Variants in SIRT1 observed in about 807,000 individuals in gnomAD.
The protein encoded by SIRT1 is sirtuin 1, also known as NAD-dependent protein deacetylase sirtuin-1.
SIRT1 carries 24 observed loss-of-function variants against 67.9 expected under a neutral mutation model. That is an observed-to-expected ratio of 0.35 (90% CI 0.26 to 0.50). SIRT1 has a LOEUF of 0.50. Among genes scored for constraint, SIRT1 ranks in the 20% least tolerant of loss-of-function variants. The probability of loss-of-function intolerance (pLI) is 0.98; values close to 1 mark genes in which losing one functional copy is unlikely to be tolerated. For synonymous variants in SIRT1, 378 were observed against 350.7 expected, an observed-to-expected ratio of 1.08 and a Z score of -0.87; for missense variants, 873 against 937.2, an observed-to-expected ratio of 0.93 and a Z score of 0.89.
chr10:67,912,028 T>C (rs1421530388), intron 7 of SIRT1, among the ~76,000 whole-genome samples: 1 of 152,180 alleles, frequency 6.6e-6, no homozygotes, highest in East Asian at 1.9e-4. Context: ...CCTCCCAAAG[T>C]GCTGGGATTA....
Position 67,888,660 on chromosome 10 carries a change from T to C in SIRT1, c.548-222T>C, listed in dbSNP as rs565339258. 2.0e-5 allele frequency among the ~76,000 whole-genome samples: 3 copies of C among 152,306 alleles called. No individual in the cohort carries two copies. The South Asian group carries it at 6.2e-4, about 32-fold the overall frequency. On this transcript the variant is annotated intron_variant, in intron 2 of 8. Transcript: ENST00000212015. ...TAATTAATTAGACTCTTGAAATATA[T>C]ACTTACAGCTGAAGGGGGTCTTCCC... is the stretch of plus-strand genomic sequence containing the variant.
At chr10:67,885,529 C>A (rs530863685) in intron 1 of SIRT1, 38 of 598,532 alleles carry the variant, frequency 6.3e-5, no homozygotes, top group African/African-American at 2.0e-5. Flanking sequence ...TCTCCTCTAC[C>A]CCCCAGCACA....
rs772263354 is a variant in SIRT1, at chr10:67,885,126, G to A, written c.405G>A (p.Ala135=). The change falls in exon 1 of 9, where the codon GCG becomes GCA. Residue 135 remains alanine (A), a synonymous_variant. Coordinates refer to ENST00000212015, the MANE Select transcript of SIRT1 (RefSeq NM_012238.5). The part of the protein sequence containing the change: ...DDDEGEEEEE[A]AAAAIGYRDN... The stretch of plus-strand genomic sequence containing the variant: ...ACGAGGGCGAGGAGGAGGAAGAGGC[G>A]GCGGCGGCGGCGATTGGGTACCGAG... 1.1e-4 allele frequency: 154 copies of A among 1,434,336 alleles called. 1 individual carries two copies. Among genetic ancestry groups the A allele is most frequent in the South Asian group, 3.7e-4 (26 of 70,930 alleles). The allele number at this position is 1,434,336 out of a possible 1,614,324, so 88.9% of individuals were successfully genotyped here. A position where few individuals can be genotyped will look rare whatever the true frequency, so the allele number is the denominator to read the frequency against.
At chr10:67,887,572 C>A in intron 2 of SIRT1, 39 bp downstream of exon 2, 3 of 1,403,316 alleles carry the variant, frequency 2.1e-6, no homozygotes, top group Non-Finnish European at 3.0e-6. Flanking sequence ...AGTAAATGTA[C>A]GGTTTTTGGT....
chr10:67,897,134 T>G (rs1842670834), intron 4 of SIRT1, among the ~76,000 whole-genome samples: 1 of 151,794 alleles, frequency 6.6e-6, no homozygotes, highest in Non-Finnish European at 1.5e-5. Context: ...CCAGCCTGAT[T>G]GACAGAGTGA....
chr10:67,914,944 C>A (rs539592986), intron 8 of SIRT1, among the ~76,000 whole-genome samples: 1 of 150,874 alleles, frequency 6.6e-6, no homozygotes, highest in African/African-American at 2.4e-5. Flanking sequence ...CAGGCTGATA[C>A]CAAACTCCTG....
Position 67,916,700 on chromosome 10 carries a change from G to A in SIRT1, c.*107G>A. The A allele has an allele frequency of 2.4e-6, 2 of 836,110 alleles. No individual in the cohort carries two copies. Among genetic ancestry groups the A allele is most frequent in the Non-Finnish European group, 3.6e-6 (2 of 559,110 alleles). The allele number at this position is 836,110 out of a possible 1,614,324, so 51.8% of individuals were successfully genotyped here. On this transcript the variant is annotated 3_prime_UTR_variant, in exon 9 of 9. Coordinates refer to ENST00000212015, the MANE Select transcript of SIRT1 (RefSeq NM_012238.5). ...TCGATAGAGCAAGGAAACCAGAAAG[G>A]TGTAATATTTATAGGTTGGTAAAAT...
At chr10:67,893,323 G>T (rs146776266) in intron 4 of SIRT1, among the ~76,000 whole-genome samples, 2 of 152,022 alleles carry the variant, frequency 1.3e-5, no homozygotes, top group Non-Finnish European at 1.5e-5. Context: ...ACAGGCCTCT[G>T]TGTGTGGTGT....
chr10:67,894,938 C>A (rs1320477251), intron 4 of SIRT1, among the ~76,000 whole-genome samples: 1 of 152,080 alleles, frequency 6.6e-6, no homozygotes, highest in Non-Finnish European at 1.5e-5. Flanking sequence ...CCTCGTGATC[C>A]GCCCGTTTCA....
At chr10:67,910,364 G>C (rs1186684269) in intron 7 of SIRT1, among the ~76,000 whole-genome samples, 4 of 152,058 alleles carry the variant, frequency 2.6e-5, no homozygotes, top group Non-Finnish European at 5.9e-5. Context: ...GACAGAGTGG[G>C]ACTCTGTCTC....
chr10:67,884,975 C>T lies in SIRT1; in HGVS notation c.254C>T (p.Ala85Val). The change falls in exon 1 of 9, where the codon GCG (alanine) becomes GTG (valine). Residue 85 changes from alanine to valine, a missense_variant. Physicochemically the swap from Ala to Val is moderately conservative, Grantham distance 64. Coordinates refer to ENST00000212015, the MANE Select transcript of SIRT1 (RefSeq NM_012238.5). Reference protein sequence around the residue: ...LWREAEAEAAAAGGEQEAQAT... With the variant: ...LWREAEAEAAVAGGEQEAQAT... ...CGGGAGGCGGAGGCAGAGGCGGCGG[C>T]GGCAGGCGGGGAGCAAGAGGCCCAG... 1 of 1,265,632 alleles carries T rather than the reference C, an allele frequency of 7.9e-7. No individual in the cohort carries two copies. The highest frequency in any genetic ancestry group is 1.0e-6 in the Non-Finnish European group (1 of 1,004,606). 78.4% of individuals were successfully genotyped at this position (1,265,632 alleles called of 1,614,324 possible). A position where few individuals can be genotyped will look rare whatever the true frequency, so the allele number is the denominator to read the frequency against.
At chr10:67,892,264 A>G (rs1301692657) in intron 4 of SIRT1, among the ~76,000 whole-genome samples, 1 of 152,180 alleles carries the variant, frequency 6.6e-6, no homozygotes, top group East Asian at 1.9e-4. Flanking sequence ...TACTTTTGAT[A>G]TTGGGTTAAA....
chr10:67,887,310 G>A (rs1185138642), intron 1 of SIRT1, 107 bp from the exon 2 acceptor site: 48 of 725,040 alleles, frequency 6.6e-5, no homozygotes, highest in African/African-American at 1.7e-5. Flanking sequence ...CACACGCCGT[G>A]TAAATGTTAA....
At chr10:67,903,933 C>A (rs1201218176) in intron 4 of SIRT1, among the ~76,000 whole-genome samples, 10 of 133,772 alleles carry the variant, frequency 7.5e-5, no homozygotes, top group South Asian at 2.1e-4. Context: ...AACTGGGTGG[C>A]CTGTCTTGTT....
At chr10:67,893,201 A>G (rs537902147) in intron 4 of SIRT1, among the ~76,000 whole-genome samples, 6 of 152,220 alleles carry the variant, frequency 3.9e-5, no homozygotes, top group Non-Finnish European at 8.8e-5. Flanking sequence ...ACATAGGTAT[A>G]CATGTGCCAT....
At chr10:67,890,275 G>T (rs190896389) in intron 3 of SIRT1, among the ~76,000 whole-genome samples, 9 of 152,180 alleles carry the variant, frequency 5.9e-5, no homozygotes, top group Admixed American at 2.6e-4. Context: ...AGGCTGGTCT[G>T]AAACTCCTGA....
In SIRT1 at chr10:67,884,951, GGGAGGC is replaced by G. The variant is rs963230479; in HGVS notation, c.237_242del (p.Glu82_Ala83del). The G allele has an allele frequency of 3.7e-5, 46 of 1,255,476 alleles. No individual in the cohort carries two copies. Among genetic ancestry groups the G allele is most frequent in the Non-Finnish European group, 4.4e-5 (44 of 1,001,066 alleles). The allele number at this position is 1,255,476 out of a possible 1,614,324, so 77.8% of individuals were successfully genotyped here. ...GGTGCGGCGGCGGCGGCGCTGTGGC[GGGAGGC>G]GGAGGCAGAGGCGGCGGCGGCAGGC... On this transcript the variant is annotated inframe_deletion, in exon 1 of 9. Transcript: ENST00000212015.
intron 7 of SIRT1, among the ~76,000 whole-genome samples, chr10:67,911,300 C>A (rs1361714268): frequency 6.6e-6 from 1 of 152,106 alleles, no homozygotes; most frequent in Non-Finnish European, 1.5e-5. Context: ...GACAAGCAGT[C>A]CTTCCACTTC....
intron 8 of SIRT1, 56 bp from the exon 9 acceptor site, chr10:67,916,209 T>A: frequency 6.8e-7 from 1 of 1,465,466 alleles, no homozygotes; most frequent in African/African-American, 1.4e-5. Flanking sequence ...TCCAGACTGC[T>A]CAGACTGAGT....
Sources: allele counts gnomAD v4.1 joint callset (sites outside exome capture counted in the v4.1 genomes callset), GRCh38; gene constraint gnomAD v4.1.1; transcripts MANE v1.5; gene names NCBI Gene and HGNC (gene_info 2026-07-23, HGNC 2026-07-21).